The following ACAN variants were observed in gnomAD, a reference collection of about 807,000 sequenced individuals.
The protein encoded by ACAN is aggrecan.
Under a neutral mutation model 169.1 loss-of-function variants are expected in ACAN, and 47 were observed. The ratio of observed to expected loss-of-function variants is 0.28; its 90% CI spans 0.22 to 0.35. The LOEUF is 0.35. ACAN is among the 10% of genes least tolerant of loss of function. ACAN has a pLI of 1.00. For missense variants in ACAN, 2,716 were observed against 2,759.9 expected (o/e 0.98, Z 0.36); for synonymous variants, 1,115 against 1,112.2 (o/e 1.00, Z -0.05).
rs1027916552 is a variant in ACAN, at chr15:88,870,001, A to G, written c.7061-1381A>G. Among the ~76,000 whole-genome samples the G allele has an allele frequency of 1.3e-5, 2 of 152,090 alleles. No homozygotes were observed. The highest frequency in any genetic ancestry group is 2.9e-5 in the Non-Finnish European group (2 of 68,014). ...AAAACTGACCCCCTAAGTCAGCCCT[A>G]AGATGATATCTCTGGCCTCTTCAGA... On this transcript the variant is annotated intron_variant, in intron 14 of 18. Transcript: ENST00000560601. The surrounding 1 kb of genome is among the most constrained non-coding windows in gnomAD (Gnocchi z 6.3).
At position 88,858,708 on chromosome 15, in the gene ACAN, C is replaced by T. The variant is rs1196801855; in HGVS notation, c.6123C>T (p.Phe2041=). Residue 2041 remains phenylalanine (F), a synonymous_variant, in exon 12 of 19, where the codon TTC becomes TTT. Coordinates refer to ENST00000560601, the MANE Select transcript of ACAN (RefSeq NM_001369268.1). This position sits in a 1 kb window ranked among gnomAD's most constrained non-coding sequence, Gnocchi z 4.0. ...LPEVTLITSE[F]VEGVTEPTIS... is the part of the protein sequence containing the mutation. Reference sequence around the variant, plus strand: ...AAGTTACTTTAATCACTTCTGAGTTCGTGGAGGGTGTTACTGAACCAACTA... The same window carrying T: ...AAGTTACTTTAATCACTTCTGAGTTTGTGGAGGGTGTTACTGAACCAACTA... 3.7e-5 allele frequency: 59 copies of T among 1,613,774 alleles called. No homozygotes were observed. The highest frequency in any genetic ancestry group is 4.6e-5 in the Non-Finnish European group (54 of 1,179,890).
At position 88,873,973 on chromosome 15, in the gene ACAN, C is replaced by T. The variant is rs1897445781; in HGVS notation, c.7579C>T (p.Arg2527Trp). 3.7e-6 allele frequency: 6 copies of T among 1,613,112 alleles called. No individual in the cohort carries two copies. The highest frequency in any genetic ancestry group is 1.7e-4 in the Middle Eastern group (1 of 5,804). The change falls in exon 18 of 19, where the codon CGG becomes TGG. Residue 2527 changes from arginine (R) to tryptophan (W), a missense_variant. Coordinates refer to ENST00000560601, the MANE Select transcript of ACAN (RefSeq NM_001369268.1). This position sits in a 1 kb window ranked among gnomAD's most constrained non-coding sequence, Gnocchi z 7.5. ...TGTCCAGCGCCACATGCCCACCATC[C>T]GGTGCCAGCCCAGCGGGCACTGGGA... ...GFVQRHMPTI[R>W]CQPSGHWEEP...
At position 88,870,921 on chromosome 15, in the gene ACAN, C is replaced by T. The variant is rs1451779121; in HGVS notation, c.7061-461C>T. Among the ~76,000 whole-genome samples, 2 of 152,192 alleles carry T rather than the reference C, an allele frequency of 1.3e-5. No individual in the cohort carries two copies. The highest frequency in any genetic ancestry group is 4.8e-5 in the African/African-American group (2 of 41,442). The stretch of plus-strand genomic sequence containing the variant: ...TCTGCAGGAAGGAAACTGCCAGCTC[C>T]GCTCCATGCCCCAGCGCTACCAGCT... On this transcript the variant is annotated intron_variant, in intron 14 of 18. Transcript: ENST00000560601. The surrounding 1 kb of genome is among the most constrained non-coding windows in gnomAD (Gnocchi z 6.3).
intron 1 of ACAN, among the ~76,000 whole-genome samples, chr15:88,813,685 A>T (rs1377478449): frequency 6.6e-6 from 1 of 152,146 alleles, no homozygotes; most frequent in Non-Finnish European, 1.5e-5. Flanking sequence ...CATTTCCTTT[A>T]CATCTTTTGA....
intron 1 of ACAN, among the ~76,000 whole-genome samples, chr15:88,809,212 G>A (rs1176066059): frequency 6.6e-6 from 1 of 152,156 alleles, no homozygotes; most frequent in Non-Finnish European, 1.5e-5. Context: ...CTGCTCTTTG[G>A]GGCAGGGTTG....
rs1273204981 is a variant in ACAN at position 88,873,943 on chromosome 15, G to C, written c.7549G>C (p.Gly2517Arg). The change falls in exon 18 of 19, where the codon GGG (glycine) becomes CGG (arginine). Residue 2517 changes from glycine (G) to arginine (R), a missense_variant. Gly to Arg is a moderately radical substitution (Grantham distance 125). Around this residue, in one of 3 missense-constraint regions of ACAN, gnomAD observed 1,389 missense variants for 1,363.7 expected, o/e 1.02. Transcript: ENST00000560601. The surrounding 1 kb of genome is among the most constrained non-coding windows in gnomAD (Gnocchi z 7.5). ...CCTGGTGCGGTACCAGTGCACAGAGGGGTTTGTCCAGCGCCACATGCCCAC... is the reference window on the plus strand; with the variant it reads ...CCTGGTGCGGTACCAGTGCACAGAGCGGTTTGTCCAGCGCCACATGCCCAC... ...NSLVRYQCTE[G>R]FVQRHMPTIR... 6.2e-7 allele frequency: 1 copy of C among 1,613,642 alleles called. No homozygotes were observed. Among genetic ancestry groups the C allele is most frequent in the Non-Finnish European group, 8.5e-7 (1 of 1,179,886 alleles).
intron 2 of ACAN, among the ~76,000 whole-genome samples, chr15:88,837,027 A>G (rs1406337350): frequency 6.6e-6 from 1 of 152,230 alleles, no homozygotes. Flanking sequence ...CCTTTAGAGC[A>G]CATTCTGGGG....
At chr15:88,822,305 T>G (rs1452959385) in intron 1 of ACAN, among the ~76,000 whole-genome samples, 4 of 152,196 alleles carry the variant, frequency 2.6e-5, no homozygotes, top group Non-Finnish European at 5.9e-5. Context: ...GGGCCCAACC[T>G]TTCTTCGGGC....
At chr15:88,828,983 G>A (rs1896293766) in intron 1 of ACAN, among the ~76,000 whole-genome samples, 1 of 152,180 alleles carries the variant, frequency 6.6e-6, no homozygotes, top group South Asian at 2.1e-4. Flanking sequence ...TTAGCACAGA[G>A]CTGCTCAAGG....
At chr15:88,811,001 C>T (rs1895806870) in intron 1 of ACAN, among the ~76,000 whole-genome samples, 1 of 152,194 alleles carries the variant, frequency 6.6e-6, no homozygotes, top group African/African-American at 2.4e-5. Context: ...CCAGTTTGTC[C>T]TTTAGGGGAG....
intron 1 of ACAN, among the ~76,000 whole-genome samples, chr15:88,831,641 G>C (rs1281254294): frequency 6.6e-6 from 1 of 152,236 alleles, no homozygotes; most frequent in Non-Finnish European, 1.5e-5. Context: ...TGGGAATTAT[G>C]AGGGCCAGGC....
intron 1 of ACAN, among the ~76,000 whole-genome samples, chr15:88,809,843 A>C (rs1244747732): frequency 1.3e-5 from 2 of 152,248 alleles, no homozygotes; most frequent in African/African-American, 4.8e-5. Context: ...AAAGAGGACC[A>C]AATGAGGATC....
intron 1 of ACAN, among the ~76,000 whole-genome samples, chr15:88,826,508 C>A (rs1896226044): frequency 6.6e-6 from 1 of 151,830 alleles, no homozygotes; most frequent in Non-Finnish European, 1.5e-5. Context: ...GACTCAGAGC[C>A]CCAGCAGGGC....
At chr15:88,813,596 G>A (rs1273988461) in intron 1 of ACAN, among the ~76,000 whole-genome samples, 2 of 152,180 alleles carry the variant, frequency 1.3e-5, no homozygotes, top group African/African-American at 2.4e-5. Flanking sequence ...AGGAATAAAT[G>A]TATAGTTTTA....
At chr15:88,833,442 G>A (rs1189015076) in intron 1 of ACAN, among the ~76,000 whole-genome samples, 1 of 151,934 alleles carries the variant, frequency 6.6e-6, no homozygotes, top group African/African-American at 2.4e-5. Context: ...CTGTCGCCCT[G>A]TCAGCACCTA....
At chr15:88,811,554 A>G (rs1402711498) in intron 1 of ACAN, among the ~76,000 whole-genome samples, 1 of 152,226 alleles carries the variant, frequency 6.6e-6, no homozygotes. Flanking sequence ...TCTGTGGATT[A>G]GAAGACAACA....
At chr15:88,810,602 C>T (rs971389208) in intron 1 of ACAN, among the ~76,000 whole-genome samples, 1 of 152,084 alleles carries the variant, frequency 6.6e-6, no homozygotes, top group Admixed American at 6.6e-5. Context: ...TCAGGGGAAG[C>T]CTGGATTCTA....
intron 1 of ACAN, among the ~76,000 whole-genome samples, chr15:88,821,875 G>A (rs140941833): frequency 5.3e-5 from 8 of 152,252 alleles, no homozygotes; most frequent in African/African-American, 1.7e-4. Flanking sequence ...TCACAGTTAC[G>A]GTTTATTACA....
intron 1 of ACAN, among the ~76,000 whole-genome samples, chr15:88,818,066 C>A (rs949217903): frequency 6.6e-6 from 1 of 152,026 alleles, no homozygotes; most frequent in Non-Finnish European, 1.5e-5. Context: ...ATAGCATGAA[C>A]ATGTTTCCAA....
Sources: gnomAD v4.1 joint callset for allele counts (sites outside exome capture counted in the v4.1 genomes callset) on GRCh38, gnomAD v4.1.1 for gene constraint, gnomAD v4.1.1 regional missense constraint, Gnocchi (gnomAD v3.1) non-coding constraint, MANE v1.5 for transcripts, NCBI Gene and HGNC (gene_info 2026-07-23, HGNC 2026-07-21) for gene names.